Variants in SPSB4 observed in about 807,000 individuals in gnomAD.
SPSB4 encodes the protein splA/ryanodine receptor domain and SOCS box containing 4, also known as SPRY domain-containing SOCS box protein 4.
SPSB4 carries 21 observed loss-of-function variants against 20.9 expected under a neutral mutation model. The observed-to-expected ratio is 1.01, with a 90% CI of 0.71 to 1.45. The LOEUF is 1.45. Ranked by LOEUF, SPSB4 falls within the 40% of genes most tolerant of loss-of-function variation. The pLI is 0.00. For synonymous variants in SPSB4, 207 were observed against 183.8 expected, an observed-to-expected ratio of 1.13 and a Z score of -1.02; for missense variants, 399 against 399.2, an observed-to-expected ratio of 1.00 and a Z score of 0.00.
intron 2 of SPSB4, among the ~76,000 whole-genome samples, chr3:141,095,345 G>C (rs890761516): frequency 6.6e-6 from 1 of 152,124 alleles, no homozygotes; most frequent in African/African-American, 2.4e-5. Context: ...TATTGTTTGG[G>C]TCGCTGCCTG....
chr3:141,146,743 C>T (rs1939418067), intron 2 of SPSB4, among the ~76,000 whole-genome samples: 1 of 150,740 alleles, frequency 6.6e-6, no homozygotes. Flanking sequence ...CACTGCACTC[C>T]AGCCTGGGCG....
At chr3:141,138,524 G>C (rs915389300) in intron 2 of SPSB4, among the ~76,000 whole-genome samples, 10 of 152,130 alleles carry the variant, frequency 6.6e-5, no homozygotes, top group African/African-American at 2.2e-4. Flanking sequence ...CAGAGATTCT[G>C]ATATGTTGTG....
At chr3:141,057,672 A>G (rs765208345) in intron 1 of SPSB4, among the ~76,000 whole-genome samples, 3 of 152,194 alleles carry the variant, frequency 2.0e-5, no homozygotes, top group Non-Finnish European at 4.4e-5. Flanking sequence ...GGGCACAAGT[A>G]CAAGGGCTCT....
rs1939435893 is a variant in SPSB4, at chr3:141,147,600, G to A, written c.*331G>A. The A allele has an allele frequency of 4.0e-6, 1 of 247,458 alleles. No individual in the cohort carries two copies. Among genetic ancestry groups the A allele is most frequent in the Non-Finnish European group, 7.9e-6 (1 of 126,514 alleles). The allele number at this position is 247,458 out of a possible 1,614,324, so 15.3% of individuals were successfully genotyped here. ...TCAGAGAGCCTGTTTCCTTATTCAA[G>A]AGAATGAATAAAACATTTAGGCAGG... On this transcript the variant is annotated 3_prime_UTR_variant, in exon 3 of 3. Coordinates refer to ENST00000310546, the MANE Select transcript of SPSB4 (RefSeq NM_080862.3).
intron 2 of SPSB4, among the ~76,000 whole-genome samples, chr3:141,079,604 G>A (rs528926068): frequency 1.3e-5 from 2 of 152,216 alleles, no homozygotes; most frequent in Non-Finnish European, 2.9e-5. Context: ...GGCCTGTGGT[G>A]TGCTGACCCT....
chr3:141,095,163 G>A (rs1338492939), intron 2 of SPSB4, among the ~76,000 whole-genome samples: 1 of 152,128 alleles, frequency 6.6e-6, no homozygotes, highest in Non-Finnish European at 1.5e-5. Context: ...TTCAGCCACC[G>A]TGCAGAAAGG....
chr3:141,066,629 C>T lies in SPSB4; in HGVS notation c.525C>T (p.Asp175=). The part of the protein sequence containing the change: ...LGPDEAFALP[D]SLLVVLDMDE... Reference sequence around the variant, plus strand: ...CCGACGAGGCCTTTGCGCTGCCCGACTCGCTGCTCGTGGTGCTGGACATGG... The same window carrying T: ...CCGACGAGGCCTTTGCGCTGCCCGATTCGCTGCTCGTGGTGCTGGACATGG... Residue 175 remains aspartate, a synonymous_variant, in exon 2 of 3, where the codon GAC becomes GAT. Coordinates refer to ENST00000310546, the MANE Select transcript of SPSB4 (RefSeq NM_080862.3). The T allele has an allele frequency of 6.2e-7, 1 of 1,609,052 alleles. No individual in the cohort carries two copies. The highest frequency in any genetic ancestry group is 8.5e-7 in the Non-Finnish European group (1 of 1,177,670).
chr3:141,080,972 G>A (rs982959943), intron 2 of SPSB4, among the ~76,000 whole-genome samples: 1 of 152,130 alleles, frequency 6.6e-6, no homozygotes. Flanking sequence ...CTGTGACCTC[G>A]GGGAAGTCAG....
chr3:141,121,719 G>C (rs1354345686), intron 2 of SPSB4, among the ~76,000 whole-genome samples: 1 of 152,112 alleles, frequency 6.6e-6, no homozygotes, highest in African/African-American at 2.4e-5. Flanking sequence ...ATTGAAGCTT[G>C]TGCATGTGTC....
At chr3:141,097,262 C>A (rs924005217) in intron 2 of SPSB4, among the ~76,000 whole-genome samples, 3 of 151,330 alleles carry the variant, frequency 2.0e-5, no homozygotes, top group Admixed American at 2.0e-4. Context: ...TCATTTCCCC[C>A]ATTGTTCCTG....
At chr3:141,068,941 G>A (rs965505970) in intron 2 of SPSB4, among the ~76,000 whole-genome samples, 6 of 152,164 alleles carry the variant, frequency 3.9e-5, no homozygotes, top group African/African-American at 1.4e-4. Flanking sequence ...TTAAGCTTGT[G>A]GGTCCTTCAG....
chr3:141,101,173 T>C (rs1171255136), intron 2 of SPSB4, among the ~76,000 whole-genome samples: 1 of 152,240 alleles, frequency 6.6e-6, no homozygotes, highest in East Asian at 1.9e-4. Context: ...AGGAGAATGG[T>C]GGGTGGAGCT....
chr3:141,105,354 A>G lies in SPSB4; in HGVS notation c.694+38556A>G, dbSNP rs532974421. 5.7e-4 allele frequency among the ~76,000 whole-genome samples: 87 copies of G among 152,270 alleles called. No homozygotes were observed. The South Asian group carries it at 0.013, about 24-fold the overall frequency. ...CCCACTGAGTTCCCACATCCCCTAC[A>G]AAGCCCCATTTCTTACTGCCCATGG... is the stretch of plus-strand genomic sequence containing the variant. On this transcript the variant is annotated intron_variant, in intron 2 of 2. Coordinates refer to ENST00000310546, the MANE Select transcript of SPSB4 (RefSeq NM_080862.3).
intron 2 of SPSB4, among the ~76,000 whole-genome samples, chr3:141,072,788 A>G (rs1324003993): frequency 6.6e-6 from 1 of 152,206 alleles, no homozygotes; most frequent in Admixed American, 6.5e-5. Context: ...GTATGGTGAA[A>G]TAACCCCTCC....
intron 2 of SPSB4, among the ~76,000 whole-genome samples, chr3:141,143,494 A>G (rs1939369098): frequency 2.0e-5 from 3 of 152,230 alleles, no homozygotes; most frequent in Admixed American, 2.0e-4. Context: ...CCAGCTGTGG[A>G]TACCAGCACC....
chr3:141,126,141 G>GA (rs1183870199), intron 2 of SPSB4, among the ~76,000 whole-genome samples: 5 of 152,204 alleles, frequency 3.3e-5, no homozygotes, highest in African/African-American at 1.2e-4. Flanking sequence ...GATGCTTAGA[G>GA]AAAATCTCAT....
intron 1 of SPSB4, among the ~76,000 whole-genome samples, chr3:141,055,676 C>G (rs548272088): frequency 1.3e-5 from 2 of 152,074 alleles, no homozygotes; most frequent in East Asian, 1.9e-4. Flanking sequence ...GACCAAGAGA[C>G]GGGATCCATG....
chr3:141,089,146 A>G (rs1299255913), intron 2 of SPSB4, among the ~76,000 whole-genome samples: 2 of 152,190 alleles, frequency 1.3e-5, no homozygotes, highest in East Asian at 3.9e-4. Flanking sequence ...CAAGTTTGGG[A>G]CCAACCCAAG....
intron 1 of SPSB4, among the ~76,000 whole-genome samples, chr3:141,056,618 G>A (rs1002407895): frequency 6.6e-6 from 1 of 152,230 alleles, no homozygotes; most frequent in Admixed American, 6.5e-5. Context: ...TTCATCTTGG[G>A]AGGTAAATGA....
Sources: allele counts gnomAD v4.1 joint callset (sites outside exome capture counted in the v4.1 genomes callset), GRCh38; gene constraint gnomAD v4.1.1; transcripts MANE v1.5; gene names NCBI Gene and HGNC (gene_info 2026-07-23, HGNC 2026-07-21).